Variants in RCL1 observed in about 807,000 individuals in gnomAD.
RCL1 encodes the protein RNA 3'-terminal phosphate cyclase-like protein.
RCL1 carries 24 observed loss-of-function variants against 42.4 expected under a neutral mutation model. The observed-to-expected ratio is 0.57, with a 90% CI of 0.41 to 0.80. The LOEUF is 0.80. RCL1 is among the 30% of genes least tolerant of loss of function. The pLI, the probability that RCL1 is intolerant of heterozygous loss-of-function variation, is 0.00. For missense variants in RCL1, 578 were observed against 467.9 expected (o/e 1.24, Z -2.17); for synonymous variants, 228 against 177.3 (o/e 1.29, Z -2.27).
At chr9:4,842,359 G>A (rs1213746507) in intron 6 of RCL1, among the ~76,000 whole-genome samples, 1 of 152,158 alleles carries the variant, frequency 6.6e-6, no homozygotes, top group African/African-American at 2.4e-5. Context: ...TAAAGGAGGG[G>A]GGTGAGTGTT....
chr9:4,800,087 G>C (rs1842973747), intron 1 of RCL1, among the ~76,000 whole-genome samples: 2 of 152,106 alleles, frequency 1.3e-5, no homozygotes, highest in Non-Finnish European at 2.9e-5. Context: ...TTGTTGCTGA[G>C]TAGTATTTCA....
chr9:4,823,531 A>G lies in RCL1; in HGVS notation c.137-17A>G, dbSNP rs1196763157. The G allele has an allele frequency of 5.0e-6, 8 of 1,597,612 alleles. No homozygotes were observed. Among genetic ancestry groups the G allele is most frequent in the Non-Finnish European group, 6.8e-6 (8 of 1,169,002 alleles). On this transcript the variant is annotated splice_polypyrimidine_tract_variant and intron_variant, in intron 1 of 8. Transcript: ENST00000381750. The stretch of plus-strand genomic sequence containing the variant: ...AGTCTGTCTTCTCTTTTCTTCACAG[A>G]TTTTTTTTCTTCACAGATTTTGAAG...
intron 5 of RCL1, among the ~76,000 whole-genome samples, chr9:4,836,062 G>C (rs1817118781): frequency 6.6e-6 from 1 of 152,106 alleles, no homozygotes; most frequent in African/African-American, 2.4e-5. Context: ...ATAAGAGAGT[G>C]TGACAAGGAT....
At chr9:4,831,850 G>A (rs1203427088) in intron 3 of RCL1, among the ~76,000 whole-genome samples, 1 of 152,212 alleles carries the variant, frequency 6.6e-6, no homozygotes, top group Non-Finnish European at 1.5e-5. Flanking sequence ...GTTAGAGTTA[G>A]TTGTAACTTG....
At chr9:4,857,091 A>G (rs1267085711) in intron 8 of RCL1, among the ~76,000 whole-genome samples, 2 of 152,234 alleles carry the variant, frequency 1.3e-5, no homozygotes, top group African/African-American at 4.8e-5. Flanking sequence ...AAAAAGCTTT[A>G]TTGAGAACCA....
intron 5 of RCL1, among the ~76,000 whole-genome samples, chr9:4,840,838 G>A (rs1238434219): frequency 6.6e-6 from 1 of 152,098 alleles, no homozygotes; most frequent in Non-Finnish European, 1.5e-5. Flanking sequence ...CTACAGCAGT[G>A]GGAATGGACA....
intron 2 of RCL1, among the ~76,000 whole-genome samples, chr9:4,824,115 A>G (rs767763732): frequency 2.0e-5 from 3 of 152,228 alleles, no homozygotes; most frequent in Non-Finnish European, 4.4e-5. Flanking sequence ...TCCAAAGTCC[A>G]TTTACTTATA....
chr9:4,797,186 A>G (rs1467291335), intron 1 of RCL1, among the ~76,000 whole-genome samples: 1 of 152,178 alleles, frequency 6.6e-6, no homozygotes, highest in Non-Finnish European at 1.5e-5. Context: ...GGCCAGTACT[A>G]CTGACTTCAC....
At chr9:4,823,443 T>A (rs1446466366) in intron 1 of RCL1, 105 bp from the exon 2 acceptor site, 5 of 811,342 alleles carry the variant, frequency 6.2e-6, no homozygotes, top group South Asian at 1.7e-5. Flanking sequence ...GGAAGTAACC[T>A]GCCCTCTACC....
rs149545828 is a variant in RCL1 at position 4,793,059 on chromosome 9, C to G, written c.-33C>G. The G allele has an allele frequency of 1.0e-5, 16 of 1,594,932 alleles. No homozygotes were observed. The highest frequency in any genetic ancestry group is 3.4e-5 in the Admixed American group (2 of 58,482). On this transcript the variant is annotated 5_prime_UTR_variant, in exon 1 of 9. Transcript: ENST00000381750. ...CGCGTCTGTCCGAAGTCGCCGCTCT[C>G]GGGCTGCTCACGTCTCTTCGGAGAG...
intron 8 of RCL1, among the ~76,000 whole-genome samples, chr9:4,857,903 G>T (rs923165283): frequency 6.8e-5 from 9 of 131,940 alleles, no homozygotes; most frequent in African/African-American, 2.6e-4. Context: ...TTGGATATTT[G>T]TGAGGAAATA....
chr9:4,836,368 G>T (rs569226377), intron 5 of RCL1, among the ~76,000 whole-genome samples: 2 of 152,150 alleles, frequency 1.3e-5, no homozygotes, highest in Non-Finnish European at 2.9e-5. Context: ...TGTCACAGGG[G>T]CTCACCAGCC....
chr9:4,800,490 C>T (rs1563826540), intron 1 of RCL1, among the ~76,000 whole-genome samples: 5 of 152,080 alleles, frequency 3.3e-5, no homozygotes, highest in Non-Finnish European at 1.5e-5. Context: ...GCTGGGATTA[C>T]AGGTGTGCAC....
chr9:4,849,492 A>C lies in RCL1; in HGVS notation c.913A>C (p.Met305Leu), dbSNP rs752911754. The part of the protein sequence containing the change: ...STNQSLALLL[M>L]TLGQQDVSKV... ...CAACCAAAGCCTGGCGCTACTACTCATGACCCTTGGACAGCAGGATGTTTC... is the reference window on the plus strand; with the variant it reads ...CAACCAAAGCCTGGCGCTACTACTCCTGACCCTTGGACAGCAGGATGTTTC... The change falls in exon 8 of 9, where the codon ATG becomes CTG. Residue 305 changes from methionine to leucine, a missense_variant. By Grantham distance (15) the Met-to-Leu change is conservative. Coordinates refer to ENST00000381750, the MANE Select transcript of RCL1 (RefSeq NM_005772.5). 6.2e-7 allele frequency: 1 copy of C among 1,613,574 alleles called. No individual in the cohort carries two copies. Among genetic ancestry groups the C allele is most frequent in the Non-Finnish European group, 8.5e-7 (1 of 1,179,920 alleles).
rs913771806 is a variant in RCL1, at chr9:4,849,528, C to G, written c.949C>G (p.Leu317Val). The change falls in exon 8 of 9, where the codon CTA becomes GTA. Residue 317 changes from leucine to valine, a missense_variant. Transcript: ENST00000381750. ...ACAGCAGGATGTTTCCAAAGTCCTG[C>G]TAGGCCCTCTCTCTCCCTACACGTA... ...LGQQDVSKVL[L>V]GPLSPYTIEF... The G allele has an allele frequency of 6.2e-7, 1 of 1,613,098 alleles. No individual in the cohort carries two copies. Among genetic ancestry groups the G allele is most frequent in the Non-Finnish European group, 8.5e-7 (1 of 1,179,356 alleles).
chr9:4,827,722 C>G (rs1816806416), intron 3 of RCL1, among the ~76,000 whole-genome samples: 1 of 140,128 alleles, frequency 7.1e-6, no homozygotes, highest in South Asian at 2.4e-4. Context: ...TAATGCCATT[C>G]TAGGATGAAG....
At chr9:4,818,480 T>C (rs1445874794) in intron 1 of RCL1, among the ~76,000 whole-genome samples, 1 of 152,212 alleles carries the variant, frequency 6.6e-6, no homozygotes, top group African/African-American at 2.4e-5. Flanking sequence ...TTCCAAGAAT[T>C]GAGTATGTGT....
intron 3 of RCL1, among the ~76,000 whole-genome samples, chr9:4,830,614 C>A (rs1258161466): frequency 6.6e-6 from 1 of 152,176 alleles, no homozygotes; most frequent in Non-Finnish European, 1.5e-5. Context: ...AGATTCCATT[C>A]TTTTCCAGTT....
chr9:4,817,722 C>G (rs997642894), intron 1 of RCL1, among the ~76,000 whole-genome samples: 4 of 152,032 alleles, frequency 2.6e-5, no homozygotes, highest in Admixed American at 2.0e-4. Flanking sequence ...GTCTTGAACA[C>G]CTGGGCTCAA....
Sources: gnomAD v4.1 joint callset for allele counts (sites outside exome capture counted in the v4.1 genomes callset) on GRCh38, gnomAD v4.1.1 for gene constraint, MANE v1.5 for transcripts, NCBI Gene and HGNC (gene_info 2026-07-23, HGNC 2026-07-21) for gene names.